Variants in SLC39A11 observed in about 807,000 individuals in gnomAD.
SLC39A11 encodes the protein solute carrier family 39 member 11, also known as zinc transporter ZIP11.
A neutral mutation model predicts 36.1 loss-of-function variants in SLC39A11; 33 were observed. The observed-to-expected ratio is 0.91, with a 90% CI of 0.69 to 1.22. The LOEUF is 1.22. Ranked by LOEUF, SLC39A11 falls within the 50% of genes most tolerant of loss-of-function variation. The pLI is 0.00. For missense variants in SLC39A11, 432 were observed against 430.3 expected (o/e 1.00, Z -0.03); for synonymous variants, 166 against 170.3 (o/e 0.97, Z 0.20).
At chr17:72,927,678 A>C (rs2084127381) in intron 5 of SLC39A11, among the ~76,000 whole-genome samples, 1 of 152,222 alleles carries the variant, frequency 6.6e-6, no homozygotes, top group African/African-American at 2.4e-5. Context: ...CTTCCAATGC[A>C]TAATTACCTT....
At chr17:72,898,072 G>C (rs930392231) in intron 5 of SLC39A11, among the ~76,000 whole-genome samples, 6 of 152,098 alleles carry the variant, frequency 3.9e-5, no homozygotes, top group African/African-American at 1.4e-4. Context: ...GAAGAGAAGG[G>C]GGAAGAGCCA....
chr17:73,029,841 C>G (rs2058683162), intron 4 of SLC39A11, among the ~76,000 whole-genome samples: 1 of 152,180 alleles, frequency 6.6e-6, no homozygotes. Context: ...CTCAGACTCC[C>G]AAAGTGTTGG....
chr17:72,960,804 T>C (rs1459040009), intron 4 of SLC39A11, among the ~76,000 whole-genome samples: 4 of 151,834 alleles, frequency 2.6e-5, no homozygotes, highest in African/African-American at 7.3e-5. Context: ...AGTGAGACCT[T>C]GTCTCAAAAA....
chr17:72,678,207 G>A (rs1384916322), intron 7 of SLC39A11, among the ~76,000 whole-genome samples: 3 of 152,208 alleles, frequency 2.0e-5, no homozygotes, highest in Non-Finnish European at 4.4e-5. Context: ...TAACTCAAGT[G>A]TGCATAGTTT....
chr17:73,004,368 G>A (rs572420693), intron 4 of SLC39A11, among the ~76,000 whole-genome samples: 144 of 152,236 alleles, frequency 9.5e-4, no homozygotes, highest in African/African-American at 3.3e-3. Context: ...CTTGCTCCTC[G>A]GCTCCCAGAG....
intron 5 of SLC39A11, among the ~76,000 whole-genome samples, chr17:72,884,918 A>G (rs2081374023): frequency 6.6e-6 from 1 of 152,148 alleles, no homozygotes; most frequent in Non-Finnish European, 1.5e-5. Flanking sequence ...ATCATTAAAT[A>G]TAAAGTGGTA....
chr17:72,849,629 C>T lies in SLC39A11; in HGVS notation c.601+5G>A. The T allele has an allele frequency of 6.7e-7, 1 of 1,493,364 alleles. No homozygotes were observed. Among genetic ancestry groups the T allele is most frequent in the Non-Finnish European group, 8.9e-7 (1 of 1,117,502 alleles). The allele number at this position is 1,493,364 out of a possible 1,614,324, so 92.5% of individuals were successfully genotyped here. A position where few individuals can be genotyped will look rare whatever the true frequency, so the allele number is the denominator to read the frequency against. On this transcript the variant is annotated splice_donor_5th_base_variant and intron_variant, in intron 6 of 9. Transcript: ENST00000255559. ...TGGCTGTCACGCTCACGGGCAAGAC[C>T]TCACCTGGAACGTTGTGTATAGTGA...
At chr17:72,731,289 A>G (rs1026475187) in intron 7 of SLC39A11, among the ~76,000 whole-genome samples, 1 of 152,166 alleles carries the variant, frequency 6.6e-6, no homozygotes, top group African/African-American at 2.4e-5. Context: ...TTCTGTGTAG[A>G]GAATCCGTCT....
intron 7 of SLC39A11, among the ~76,000 whole-genome samples, chr17:72,702,491 A>G (rs549538324): frequency 2.6e-5 from 4 of 152,334 alleles, no homozygotes; most frequent in African/African-American, 7.2e-5. Flanking sequence ...CAGATGATCA[A>G]CAGTGCCAAG....
At chr17:72,878,906 G>T (rs2081053119) in intron 5 of SLC39A11, among the ~76,000 whole-genome samples, 1 of 152,244 alleles carries the variant, frequency 6.6e-6, no homozygotes, top group African/African-American at 2.4e-5. Context: ...CTATGCTTCT[G>T]ACTGATCCAC....
chr17:72,707,960 A>T (rs562895545), intron 7 of SLC39A11, among the ~76,000 whole-genome samples: 1 of 152,370 alleles, frequency 6.6e-6, no homozygotes, highest in Admixed American at 6.5e-5. Context: ...TAATTTCTGC[A>T]GAACAATAAC....
rs185678647 is a variant in SLC39A11 at position 72,995,320 on chromosome 17, C to T, written c.306+36236G>A. On this transcript the variant is annotated intron_variant, in intron 4 of 9. Coordinates refer to ENST00000255559, the MANE Select transcript of SLC39A11 (RefSeq NM_139177.4). ...TGAGCAGGTGTACTAAGCACTACAT[C>T]AGGCCTGACCCATAAGAAATGAACT... Among the ~76,000 whole-genome samples, 40 of 152,270 alleles carry T rather than the reference C, an allele frequency of 2.6e-4. No individual in the cohort carries two copies. In the East Asian group the frequency reaches 3.7e-3, roughly 14 times the overall value.
At chr17:72,669,142 G>T (rs2070883322) in intron 7 of SLC39A11, among the ~76,000 whole-genome samples, 1 of 152,198 alleles carries the variant, frequency 6.6e-6, no homozygotes, top group Admixed American at 6.5e-5. Context: ...TTATGCAGGA[G>T]AATGTTTTGT....
At chr17:73,087,206 A>G (rs974170959) in intron 2 of SLC39A11, among the ~76,000 whole-genome samples, 4 of 152,184 alleles carry the variant, frequency 2.6e-5, no homozygotes, top group African/African-American at 9.7e-5. Flanking sequence ...TTATATACCT[A>G]GGTTCCAGAT....
At position 73,090,252 on chromosome 17, in the gene SLC39A11, G is replaced by A. The variant is rs965872992; in HGVS notation, c.-11-1477C>T. Among the ~76,000 whole-genome samples, 18 of 152,180 alleles carry A rather than the reference G, an allele frequency of 1.2e-4. 1 individual carries two copies. The highest frequency in any genetic ancestry group is 9.2e-4 in the Admixed American group (14 of 15,268). ...ACACCCAGGCTCAAACCTAGGAAGG[G>A]TATAGGTCCAGGTGAGCCCAGGTGA... On this transcript the variant is annotated intron_variant, in intron 1 of 9. Transcript: ENST00000255559.
intron 4 of SLC39A11, among the ~76,000 whole-genome samples, chr17:73,018,047 C>A (rs2058225175): frequency 6.6e-6 from 1 of 152,188 alleles, no homozygotes; most frequent in East Asian, 1.9e-4. Context: ...CCCTAAAGAT[C>A]CTCTTTAAGG....
chr17:72,751,524 T>C (rs980050922), intron 6 of SLC39A11, among the ~76,000 whole-genome samples: 22 of 152,358 alleles, frequency 1.4e-4, no homozygotes, highest in African/African-American at 4.1e-4. Flanking sequence ...TGTACATTCA[T>C]TGGCATTAAG....
At chr17:72,850,763 A>T (rs1333193273) in intron 5 of SLC39A11, among the ~76,000 whole-genome samples, 2 of 152,194 alleles carry the variant, frequency 1.3e-5, no homozygotes, top group Non-Finnish European at 2.9e-5. Context: ...TAAATGCAAC[A>T]ATGTCTGAAA....
At chr17:72,888,481 T>C (rs1309057687) in intron 5 of SLC39A11, among the ~76,000 whole-genome samples, 1 of 152,210 alleles carries the variant, frequency 6.6e-6, no homozygotes, top group Non-Finnish European at 1.5e-5. Context: ...CCAAAAGGCC[T>C]TCTGGAACCT....
Sources: gnomAD v4.1 joint callset for allele counts (sites outside exome capture counted in the v4.1 genomes callset) on GRCh38, gnomAD v4.1.1 for gene constraint, MANE v1.5 for transcripts, NCBI Gene and HGNC (gene_info 2026-07-23, HGNC 2026-07-21) for gene names.